Variants in RSRC1 observed in about 807,000 individuals in gnomAD.
RSRC1 encodes the protein arginine and serine rich coiled-coil 1.
A neutral mutation model predicts 49.1 loss-of-function variants in RSRC1; 39 were observed. That is an observed-to-expected ratio of 0.79 (90% CI 0.61 to 1.04). The LOEUF is 1.04. RSRC1 is among the 50% of genes least tolerant of loss of function. RSRC1 has a pLI of 0.00. For missense variants in RSRC1, 388 were observed against 402.4 expected (o/e 0.96, Z 0.31); for synonymous variants, 143 against 130.8 (o/e 1.09, Z -0.63).
intron 6 of RSRC1, among the ~76,000 whole-genome samples, chr3:158,422,967 T>C (rs1165954441): frequency 6.6e-6 from 1 of 152,244 alleles, no homozygotes; most frequent in Non-Finnish European, 1.5e-5. Context: ...TTGTAGATTC[T>C]GGATATTAGC....
chr3:158,398,859 C>T (rs1236793224), intron 6 of RSRC1, among the ~76,000 whole-genome samples: 1 of 152,010 alleles, frequency 6.6e-6, no homozygotes, highest in East Asian at 1.9e-4. Context: ...TTGTGAATGT[C>T]TTGACAGAGA....
intron 3 of RSRC1, among the ~76,000 whole-genome samples, chr3:158,161,870 G>T (rs1158170460): frequency 1.3e-5 from 2 of 152,082 alleles, no homozygotes; most frequent in Admixed American, 1.3e-4. Flanking sequence ...AAAGGCAAGG[G>T]GGGGCTCAAA....
intron 3 of RSRC1, among the ~76,000 whole-genome samples, chr3:158,179,608 C>T (rs543415465): frequency 1.3e-5 from 2 of 152,184 alleles, no homozygotes; most frequent in South Asian, 2.1e-4. Context: ...TAGTATCTCA[C>T]GGTATGGTTG....
At chr3:158,256,425 G>A (rs1188184091) in intron 4 of RSRC1, among the ~76,000 whole-genome samples, 2 of 152,130 alleles carry the variant, frequency 1.3e-5, no homozygotes, top group Admixed American at 6.5e-5. Flanking sequence ...TGATCGTGGT[G>A]GAAAAGCTTT....
intron 3 of RSRC1, among the ~76,000 whole-genome samples, chr3:158,167,060 A>G (rs1718579430): frequency 6.6e-6 from 1 of 152,184 alleles, no homozygotes; most frequent in African/African-American, 2.4e-5. Context: ...AGAATTATAC[A>G]TTCTGTACAT....
chr3:158,343,181 C>T (rs1003905219), intron 5 of RSRC1, among the ~76,000 whole-genome samples: 2 of 152,218 alleles, frequency 1.3e-5, no homozygotes, highest in Non-Finnish European at 2.9e-5. Flanking sequence ...CTGTTCTCAA[C>T]AACCTTCATG....
At chr3:158,138,524 T>C (rs151058308) in intron 3 of RSRC1, among the ~76,000 whole-genome samples, 1,531 of 152,340 alleles carry the variant, frequency 0.01, 12 homozygotes, top group Middle Eastern at 0.014. Flanking sequence ...TGGCTTGACA[T>C]AAGCACTACT....
intron 4 of RSRC1, chr3:158,275,930 G>C: frequency 1.4e-6 from 1 of 718,480 alleles, no homozygotes; most frequent in Non-Finnish European, 2.5e-6. Context: ...GCCTGCAGAT[G>C]TGAGCCCACA....
intron 5 of RSRC1, among the ~76,000 whole-genome samples, chr3:158,345,198 G>T (rs1442007705): frequency 2.6e-5 from 4 of 151,716 alleles, no homozygotes. Flanking sequence ...CTGCACTCCA[G>T]TGTGGGCGAC....
chr3:158,467,846 T>C (rs995246105), intron 7 of RSRC1, among the ~76,000 whole-genome samples: 1 of 152,264 alleles, frequency 6.6e-6, no homozygotes, highest in African/African-American at 2.4e-5. Flanking sequence ...TTTATTTTAC[T>C]TGGCTAAGTT....
intron 5 of RSRC1, among the ~76,000 whole-genome samples, chr3:158,329,706 G>C (rs1389043288): frequency 6.6e-6 from 1 of 152,186 alleles, no homozygotes; most frequent in Non-Finnish European, 1.5e-5. Flanking sequence ...GAGACAGTCT[G>C]AACATTCTCA....
intron 4 of RSRC1, among the ~76,000 whole-genome samples, chr3:158,237,682 A>C (rs942637599): frequency 6.6e-6 from 1 of 152,194 alleles, no homozygotes; most frequent in African/African-American, 2.4e-5. Flanking sequence ...ATGGTTCACC[A>C]TATCAGCTTA....
intron 6 of RSRC1, among the ~76,000 whole-genome samples, chr3:158,446,643 T>C (rs1325815015): frequency 5.3e-5 from 8 of 152,054 alleles, no homozygotes; most frequent in African/African-American, 1.9e-4. Flanking sequence ...TTGTATTCAG[T>C]TGTTTGTATG....
chr3:158,141,390 A>G (rs1348727721), intron 3 of RSRC1, among the ~76,000 whole-genome samples: 1 of 152,196 alleles, frequency 6.6e-6, no homozygotes, highest in Non-Finnish European at 1.5e-5. Context: ...ATTTACATGC[A>G]TAATTTTGCA....
At chr3:158,371,894 C>A (rs1343355616) in intron 6 of RSRC1, among the ~76,000 whole-genome samples, 1 of 151,780 alleles carries the variant, frequency 6.6e-6, no homozygotes, top group Non-Finnish European at 1.5e-5. Context: ...TTCCTTTGGT[C>A]ATTTCAGTGG....
At chr3:158,276,566 A>G (rs1317137345) in intron 4 of RSRC1, 1 of 483,766 alleles carries the variant, frequency 2.1e-6, no homozygotes, top group Non-Finnish European at 3.6e-6. Flanking sequence ...GTTGTGGAAG[A>G]CAAAATTTGT....
chr3:158,194,177 T>TG (rs1014132328), intron 3 of RSRC1, among the ~76,000 whole-genome samples: 2 of 151,620 alleles, frequency 1.3e-5, no homozygotes, highest in African/African-American at 4.9e-5. Flanking sequence ...GGGAAGCTGA[T>TG]GCGGGAGGAT....
At chr3:158,414,839 ATC>A (rs775625560) in intron 6 of RSRC1, among the ~76,000 whole-genome samples, 3 of 152,156 alleles carry the variant, frequency 2.0e-5, no homozygotes, top group Non-Finnish European at 4.4e-5. Context: ...AAGAAAAAAA[ATC>A]TTTTTAATTT....
chr3:158,529,174 A>G (rs1170038615), intron 7 of RSRC1, among the ~76,000 whole-genome samples: 1 of 147,158 alleles, frequency 6.8e-6, no homozygotes, highest in African/African-American at 2.5e-5. Context: ...AAGATATTAT[A>G]TAAAATATAT....
Sources: gnomAD v4.1 joint callset for allele counts (sites outside exome capture counted in the v4.1 genomes callset) on GRCh38, gnomAD v4.1.1 for gene constraint, MANE v1.5 for transcripts, NCBI Gene and HGNC (gene_info 2026-07-23, HGNC 2026-07-21) for gene names.